The following ADORA3 variants were observed in gnomAD, a reference collection of about 807,000 sequenced individuals.
ADORA3 encodes adenosine A3 receptor.
A neutral mutation model predicts 5.7 loss-of-function variants in ADORA3; 3 were observed. The observed-to-expected ratio is 0.52, with a 90% CI of 0.24 to 1.35. The LOEUF is 1.35. Ranked by LOEUF, ADORA3 falls within the 40% of genes most tolerant of loss-of-function variation. ADORA3 has a pLI of 0.17. For synonymous variants in ADORA3, 168 were observed against 152.3 expected, an observed-to-expected ratio of 1.10 and a Z score of -0.76; for missense variants, 343 against 389.0, an observed-to-expected ratio of 0.88 and a Z score of 0.99.
Position 111,503,505 on chromosome 1 carries a change from C to A in ADORA3, c.-151G>T, listed in dbSNP as rs1370289079. The A allele has an allele frequency of 1.4e-6, 2 of 1,439,368 alleles. No individual in the cohort carries two copies. The highest frequency in any genetic ancestry group is 1.8e-6 in the Non-Finnish European group (2 of 1,097,956). 89.2% of individuals were successfully genotyped at this position (1,439,368 alleles called of 1,614,324 possible). ...CCAACTTGCTCATTCCTACCCTTTT[C>A]TGGTGGGGTGATCTCTTGGAAACCC... On this transcript the variant is annotated 5_prime_UTR_variant, in exon 1 of 2. Coordinates refer to ENST00000241356, the MANE Select transcript of ADORA3 (RefSeq NM_000677.4).
chr1:111,500,638 G>C (rs1655127559), intron 1 of ADORA3, 82 bp from the exon 2 acceptor site: 7 of 1,352,994 alleles, frequency 5.2e-6, no homozygotes, highest in Non-Finnish European at 7.2e-6. Context: ...AGGAGAGAGA[G>C]AGAGGTGAGA....
Position 111,500,572 on chromosome 1 carries a change from G to A in ADORA3, c.351-16C>T, listed in dbSNP as rs1655124033. ...CCTCTTGTATCTGTGTGAATGAAGA[G>A]AGTCAGTGAGTCCACAGCAGTAATT... On this transcript the variant is annotated splice_polypyrimidine_tract_variant and intron_variant, in intron 1 of 1. Coordinates refer to ENST00000241356, the MANE Select transcript of ADORA3 (RefSeq NM_000677.4). 4.3e-6 allele frequency: 7 copies of A among 1,610,886 alleles called. No individual in the cohort carries two copies. In the Admixed American group the frequency reaches 1.2e-4, roughly 27 times the overall value.
At chr1:111,502,684 G>T (rs1037453646) in intron 1 of ADORA3, among the ~76,000 whole-genome samples, 2 of 150,534 alleles carry the variant, frequency 1.3e-5, no homozygotes, top group Non-Finnish European at 2.9e-5. Context: ...TTCTAAAACT[G>T]AAGAGCATTT....
rs749192276 is a variant in ADORA3, at chr1:111,500,247, T to A, written c.660A>T (p.Ala220=). 6.2e-7 allele frequency: 1 copy of A among 1,614,150 alleles called. No homozygotes were observed. Among genetic ancestry groups the A allele is most frequent in the East Asian group, 2.2e-5 (1 of 44,880 alleles). ...LNLSNSKETG[A]FYGREFKTAK... ...CCGTCTTGAACTCCCGTCCATAAAA[T>A]GCACCTGTCTCTTTGGAGTTAGATA... The change falls in exon 2 of 2, where the codon GCA becomes GCT. Residue 220 remains alanine (A), a synonymous_variant. Coordinates refer to ENST00000241356, the MANE Select transcript of ADORA3 (RefSeq NM_000677.4).
Position 111,503,446 on chromosome 1 carries a change from C to T in ADORA3, c.-92G>A. 2 of 1,488,514 alleles carry T rather than the reference C, an allele frequency of 1.3e-6. No homozygotes were observed. The highest frequency in any genetic ancestry group is 1.8e-6 in the Non-Finnish European group (2 of 1,114,356). The allele number at this position is 1,488,514 out of a possible 1,614,324, so 92.2% of individuals were successfully genotyped here. On this transcript the variant is annotated 5_prime_UTR_variant, in exon 1 of 2. The change creates a premature stop within an existing upstream ORF in the 5' untranslated region. Coordinates refer to ENST00000241356, the MANE Select transcript of ADORA3 (RefSeq NM_000677.4). ...GGCCTAGCTCTCGCCAGACGTCTTC[C>T]CAGAGGTCCATGTGCAGTGACAGTC...
chr1:111,503,385 C>T lies in ADORA3; in HGVS notation c.-31G>A, dbSNP rs1350506994. The stretch of plus-strand genomic sequence containing the variant: ...CTTCCCAGGGGAACCTCCACAGGGA[C>T]AGGTGAGCCAGCAAGATCCGTCTGT... On this transcript the variant is annotated 5_prime_UTR_variant, in exon 1 of 2. Transcript: ENST00000241356. 1.3e-6 allele frequency: 2 copies of T among 1,575,408 alleles called. No individual in the cohort carries two copies. Among genetic ancestry groups the T allele is most frequent in the South Asian group, 1.2e-5 (1 of 85,852 alleles).
chr1:111,500,418 G>C lies in ADORA3; in HGVS notation c.489C>G (p.Phe163Leu). The change falls in exon 2 of 2, where the codon TTC becomes TTG. Residue 163 changes from phenylalanine to leucine, a missense_variant. Transcript: ENST00000241356. Reference sequence around the variant, plus strand: ...TGACGGAAACAAATTGGCATGAAAGGAAGGTGACATTTCTGTGGTACTCTG... The same window carrying C: ...TGACGGAAACAAATTGGCATGAAAGCAAGGTGACATTTCTGTGGTACTCTG... ...LTSEYHRNVTFLSCQFVSVMR... is the reference protein window; with the variant it reads ...LTSEYHRNVTLLSCQFVSVMR... 6.2e-7 allele frequency: 1 copy of C among 1,614,226 alleles called. No homozygotes were observed.
Position 111,499,488 on chromosome 1 carries a change from C to A in ADORA3, c.*462G>T. 1 of 992,820 alleles carries A rather than the reference C, an allele frequency of 1.0e-6. No individual in the cohort carries two copies. Among genetic ancestry groups the A allele is most frequent in the Non-Finnish European group, 1.2e-6 (1 of 833,922 alleles). The allele number at this position is 992,820 out of a possible 1,614,324, so 61.5% of individuals were successfully genotyped here. On this transcript the variant is annotated 3_prime_UTR_variant, in exon 2 of 2. Transcript: ENST00000241356. ...ACAGGTGAATTCAGCAGTTTAAGTCCCCCTTAAACTCAGTTTATTTTTTCT... is the reference window on the plus strand; with the variant it reads ...ACAGGTGAATTCAGCAGTTTAAGTCACCCTTAAACTCAGTTTATTTTTTCT...
Position 111,503,164 on chromosome 1 carries a change from A to G in ADORA3, c.191T>C (p.Leu64Pro), listed in dbSNP as rs768506276. The change falls in exon 1 of 2, where the codon CTG becomes CCG. Residue 64 changes from leucine to proline, a missense_variant. By Grantham distance (98) the Leu-to-Pro change is moderately conservative. Transcript: ENST00000241356. ...GACAACAATGGCCAAAGGCATGACC[A>G]GCACCCCAACAGCAATGTCAGCCAG... ...LALADIAVGV[L>P]VMPLAIVVSL... 3.7e-6 allele frequency: 6 copies of G among 1,614,266 alleles called. 1 individual carries two copies. The South Asian group carries it at 6.6e-5, about 18-fold the overall frequency.
intron 1 of ADORA3, among the ~76,000 whole-genome samples, chr1:111,502,778 C>G (rs1230776119): frequency 6.6e-6 from 1 of 151,914 alleles, no homozygotes; most frequent in Admixed American, 6.6e-5. Flanking sequence ...GCACCCACCC[C>G]TAGTCAGTGG....
chr1:111,503,012 T>C lies in ADORA3; in HGVS notation c.343A>G (p.Thr115Ala). The change falls in exon 1 of 2, where the codon ACC (threonine) becomes GCC (alanine). Residue 115 changes from threonine to alanine, a missense_variant. By Grantham distance (58) the Thr-to-Ala change is moderately conservative. Transcript: ENST00000241356. The stretch of plus-strand genomic sequence containing the variant: ...CCCCACGCCGCAGGCTACCTGACGG[T>C]AAGCTTGACCCGCAAGTATCGGTCC... The part of the protein sequence containing the change: ...AVDRYLRVKL[T>A]VRYKRVTTHR... The C allele has an allele frequency of 6.2e-7, 1 of 1,613,602 alleles. No individual in the cohort carries two copies. The highest frequency in any genetic ancestry group is 1.1e-5 in the South Asian group (1 of 91,074).
intron 1 of ADORA3, among the ~76,000 whole-genome samples, chr1:111,502,144 TAA>T (rs369797421): frequency 1.1e-3 from 39 of 35,740 alleles, no homozygotes; most frequent in South Asian, 3.3e-3. Flanking sequence ...TTTAATATAA[TAA>T]ATATATAGGA....
At position 111,499,989 on chromosome 1, in the gene ADORA3, A is replaced by G. The variant is rs752452241; in HGVS notation, c.918T>C (p.Ser306=). The change falls in exon 2 of 2, where the codon TCT becomes TCC. Residue 306 remains serine, a synonymous_variant. Coordinates refer to ENST00000241356, the MANE Select transcript of ADORA3 (RefSeq NM_000677.4). ...ILKACVVCHP[S]DSLDTSIEKN... ...TCTCAATGCTTGTGTCCAAAGAATC[A>G]GAGGGATGGCAGACCACACAAGCTT... is the stretch of plus-strand genomic sequence containing the variant. The G allele has an allele frequency of 1.9e-6, 3 of 1,614,160 alleles. No homozygotes were observed. Among genetic ancestry groups the G allele is most frequent in the Admixed American group, 1.7e-5 (1 of 60,032 alleles).
chr1:111,503,124 TG>T lies in ADORA3; in HGVS notation c.230del (p.Thr77LysfsTer10). ...PLAIVVSLGI[T>X]IHFYSCLFMT... ...TAAAAAGGCAGCTGTAGAAGTGGAT[TG>T]TGATGCCCAGGCTGACAACAATGGC... On this transcript the variant is annotated frameshift_variant, in exon 1 of 2. Coordinates refer to ENST00000241356, the MANE Select transcript of ADORA3 (RefSeq NM_000677.4). LOFTEE classifies it high-confidence loss of function. 6.2e-7 allele frequency: 1 copy of T among 1,614,128 alleles called. No homozygotes were observed. Among genetic ancestry groups the T allele is most frequent in the Non-Finnish European group, 8.5e-7 (1 of 1,180,012 alleles).
Position 111,503,448 on chromosome 1 carries a change from A to C in ADORA3, c.-94T>G, listed in dbSNP as rs973990734. 2.7e-6 allele frequency: 4 copies of C among 1,487,914 alleles called. No homozygotes were observed. The highest frequency in any genetic ancestry group is 2.8e-5 in the African/African-American group (2 of 71,536). The allele number at this position is 1,487,914 out of a possible 1,614,324, so 92.2% of individuals were successfully genotyped here. A position where few individuals can be genotyped will look rare whatever the true frequency, so the allele number is the denominator to read the frequency against. The stretch of plus-strand genomic sequence containing the variant: ...CCTAGCTCTCGCCAGACGTCTTCCC[A>C]GAGGTCCATGTGCAGTGACAGTCTA... On this transcript the variant is annotated 5_prime_UTR_variant, in exon 1 of 2. Coordinates refer to ENST00000241356, the MANE Select transcript of ADORA3 (RefSeq NM_000677.4).
Position 111,503,043 on chromosome 1 carries a change from G to A in ADORA3, c.312C>T (p.Ile104=), listed in dbSNP as rs769936364. The change falls in exon 1 of 2, where the codon ATC becomes ATT. Residue 104 remains isoleucine (I), a synonymous_variant. Coordinates refer to ENST00000241356, the MANE Select transcript of ADORA3 (RefSeq NM_000677.4). The stretch of plus-strand genomic sequence containing the variant: ...TGACCCGCAAGTATCGGTCCACAGC[G>A]ATGGCCAGCAAGGACATGATGGAGG... ...THASIMSLLA[I]AVDRYLRVKL... 15 of 1,614,052 alleles carry A rather than the reference G, an allele frequency of 9.3e-6. No homozygotes were observed. Among genetic ancestry groups the A allele is most frequent in the East Asian group, 4.5e-5 (2 of 44,896 alleles).
intron 1 of ADORA3, among the ~76,000 whole-genome samples, chr1:111,502,138 A>ATAATAAATATATAGGATATATATTTAT (rs1655229357): frequency 2.0e-4 from 6 of 29,432 alleles, no homozygotes; most frequent in Non-Finnish European, 4.3e-4. Context: ...TATATATTTA[A>ATAATAAATATATAGGATATATATTTAT]TATAATAAAT....
In ADORA3 at chr1:111,500,351, T is replaced by C. The variant is rs769231293; in HGVS notation, c.556A>G (p.Ile186Val). 4 of 1,614,002 alleles carry C rather than the reference T, an allele frequency of 2.5e-6. No homozygotes were observed. The highest frequency in any genetic ancestry group is 3.4e-6 in the Non-Finnish European group (4 of 1,180,040). ...YMVYFSFLTW[I>V]FIPLVVMCAI... is the part of the protein sequence containing the mutation. ...CACATGACAACCAGGGGGATGAAAA[T>C]CCAGGTGAGGAAGCTGAAGTATACC... The change falls in exon 2 of 2, where the codon ATT becomes GTT. Residue 186 changes from isoleucine (I) to valine (V), a missense_variant. Coordinates refer to ENST00000241356, the MANE Select transcript of ADORA3 (RefSeq NM_000677.4).
chr1:111,502,442 A>G, intron 1 of ADORA3, among the ~76,000 whole-genome samples: 1 of 142,658 alleles, frequency 7.0e-6, no homozygotes, highest in Non-Finnish European at 1.5e-5. Flanking sequence ...TATATTTATT[A>G]TAATGAATAT....
Sources: allele counts gnomAD v4.1 joint callset (sites outside exome capture counted in the v4.1 genomes callset), GRCh38; gene constraint gnomAD v4.1.1; transcripts MANE v1.5; gene names NCBI Gene and HGNC (gene_info 2026-07-23, HGNC 2026-07-21).